Variants in C8orf34 observed in about 807,000 individuals in gnomAD.
C8orf34 encodes chromosome 8 open reading frame 34.
A neutral mutation model predicts 68.3 loss-of-function variants in C8orf34; 65 were observed. The observed-to-expected ratio is 0.95, with a 90% CI of 0.78 to 1.17. The LOEUF is 1.17. Ranked by LOEUF, C8orf34 falls within the 50% of genes most tolerant of loss-of-function variation. The pLI, the probability that C8orf34 is intolerant of heterozygous loss-of-function variation, is 0.00. For missense variants in C8orf34, 664 were observed against 655.4 expected (o/e 1.01, Z -0.14); for synonymous variants, 244 against 241.2 (o/e 1.01, Z -0.11).
chr8:68,810,665 T>C (rs961562412), intron 12 of C8orf34, among the ~76,000 whole-genome samples: 3 of 152,030 alleles, frequency 2.0e-5, no homozygotes, highest in Non-Finnish European at 2.9e-5. Context: ...GTGAGTAAGG[T>C]CAAGAAGTGC....
At chr8:68,621,369 C>A (rs1818383996) in intron 7 of C8orf34, among the ~76,000 whole-genome samples, 1 of 152,192 alleles carries the variant, frequency 6.6e-6, no homozygotes, top group African/African-American at 2.4e-5. Context: ...ATTTTTCCTA[C>A]CCAAATGATG....
At chr8:68,456,762 G>T (rs1464724683) in intron 3 of C8orf34, among the ~76,000 whole-genome samples, 1 of 152,028 alleles carries the variant, frequency 6.6e-6, no homozygotes, top group Non-Finnish European at 1.5e-5. Context: ...CCAAAAAATA[G>T]CACTTATACA....
intron 7 of C8orf34, among the ~76,000 whole-genome samples, chr8:68,628,638 G>A (rs1818605198): frequency 6.6e-6 from 1 of 152,072 alleles, no homozygotes; most frequent in Admixed American, 6.6e-5. Context: ...TTGCAATTCA[G>A]GGAAAAACTG....
At chr8:68,519,317 G>T (rs1209983577) in intron 5 of C8orf34, among the ~76,000 whole-genome samples, 1 of 152,128 alleles carries the variant, frequency 6.6e-6, no homozygotes, top group African/African-American at 2.4e-5. Flanking sequence ...CTTTTGGAAA[G>T]TTATGAAAAT....
At chr8:68,537,676 CTTTA>C (rs1355095637) in intron 7 of C8orf34, among the ~76,000 whole-genome samples, 1 of 151,900 alleles carries the variant, frequency 6.6e-6, no homozygotes, top group East Asian at 1.9e-4. Context: ...TGTTAAAAAG[CTTTA>C]TTTAGGATTC....
At chr8:68,616,381 T>C (rs1818214540) in intron 7 of C8orf34, among the ~76,000 whole-genome samples, 1 of 152,212 alleles carries the variant, frequency 6.6e-6, no homozygotes, top group African/African-American at 2.4e-5. Context: ...ATTGTGATGT[T>C]AGGGTGTCAA....
At chr8:68,384,498 A>C (rs1275138476) in intron 1 of C8orf34, among the ~76,000 whole-genome samples, 1 of 152,212 alleles carries the variant, frequency 6.6e-6, no homozygotes, top group Non-Finnish European at 1.5e-5. Flanking sequence ...GACAAGATTA[A>C]TTGGTTAATA....
intron 1 of C8orf34, among the ~76,000 whole-genome samples, chr8:68,350,030 T>C (rs995832528): frequency 6.6e-6 from 1 of 152,022 alleles, no homozygotes; most frequent in African/African-American, 2.4e-5. Flanking sequence ...TTGTTCTTGC[T>C]TCTCTAATTC....
At chr8:68,813,372 T>G (rs1317667204) in intron 12 of C8orf34, among the ~76,000 whole-genome samples, 1 of 151,926 alleles carries the variant, frequency 6.6e-6, no homozygotes, top group Admixed American at 6.6e-5. Context: ...TAATTCTGTT[T>G]TTTTTTTTTT....
rs190726934 is a variant in C8orf34, at chr8:68,802,797, C to T, written c.1550-13089C>T. ...TTTTCGGGCTACAGGCATGCACCAC[C>T]GTGTCCAGCCTAAAATCATTTTAAA... On this transcript the variant is annotated intron_variant, in intron 12 of 13. Transcript: ENST00000518698. Among the ~76,000 whole-genome samples the T allele has an allele frequency of 1.7e-4, 26 of 152,270 alleles. No individual in the cohort carries two copies. The East Asian group carries it at 2.7e-3, about 16-fold the overall frequency.
At chr8:68,515,363 G>A (rs527620795) in intron 5 of C8orf34, among the ~76,000 whole-genome samples, 50 of 148,694 alleles carry the variant, frequency 3.4e-4, no homozygotes, top group Middle Eastern at 6.9e-3. Flanking sequence ...AGATATAGAA[G>A]ATAATTTCTC....
At chr8:68,749,138 C>G (rs887830893) in intron 10 of C8orf34, among the ~76,000 whole-genome samples, 2 of 150,028 alleles carry the variant, frequency 1.3e-5, no homozygotes, top group Non-Finnish European at 3.0e-5. Flanking sequence ...ATCGCAAGAA[C>G]AAAAAACCAA....
At chr8:68,440,144 C>T (rs1402092944) in intron 2 of C8orf34, among the ~76,000 whole-genome samples, 1 of 152,166 alleles carries the variant, frequency 6.6e-6, no homozygotes, top group Non-Finnish European at 1.5e-5. Flanking sequence ...TCGAGTGTAT[C>T]ATAGCCTCCT....
chr8:68,630,136 T>G (rs1238761320), intron 7 of C8orf34, among the ~76,000 whole-genome samples: 1 of 152,020 alleles, frequency 6.6e-6, no homozygotes, highest in Admixed American at 6.6e-5. Flanking sequence ...TATCATAAAA[T>G]AGCACTGTCC....
chr8:68,692,027 A>G (rs775860313), intron 8 of C8orf34, among the ~76,000 whole-genome samples: 4 of 152,042 alleles, frequency 2.6e-5, no homozygotes, highest in African/African-American at 7.2e-5. Context: ...TAAATATTTG[A>G]GAGGAGGGTT....
intron 5 of C8orf34, among the ~76,000 whole-genome samples, chr8:68,502,147 C>T (rs571967751): frequency 6.6e-6 from 1 of 152,214 alleles, no homozygotes; most frequent in Non-Finnish European, 1.5e-5. Context: ...CTCACTGTAA[C>T]CTCCGCCTCC....
At chr8:68,495,568 A>C (rs1263542166) in intron 5 of C8orf34, among the ~76,000 whole-genome samples, 1 of 152,248 alleles carries the variant, frequency 6.6e-6, no homozygotes, top group Non-Finnish European at 1.5e-5. Context: ...ATAGAAGTGG[A>C]GCACAAATCA....
intron 1 of C8orf34, among the ~76,000 whole-genome samples, chr8:68,399,453 G>A (rs886829118): frequency 5.9e-5 from 9 of 151,994 alleles, no homozygotes; most frequent in African/African-American, 2.2e-4. Flanking sequence ...GAAGATAATG[G>A]CCCCCAGTTC....
At chr8:68,408,883 C>T (rs967274633) in intron 1 of C8orf34, among the ~76,000 whole-genome samples, 8 of 152,158 alleles carry the variant, frequency 5.3e-5, no homozygotes, top group East Asian at 1.9e-4. Context: ...CTGCCTCCTG[C>T]GTTCAAGCGA....
Sources: gnomAD v4.1 joint callset for allele counts (sites outside exome capture counted in the v4.1 genomes callset) on GRCh38, gnomAD v4.1.1 for gene constraint, MANE v1.5 for transcripts, NCBI Gene and HGNC (gene_info 2026-07-23, HGNC 2026-07-21) for gene names.